The following PTPRD variants were observed in gnomAD, a reference collection of about 807,000 sequenced individuals.
PTPRD encodes receptor-type tyrosine-protein phosphatase delta.
PTPRD carries 34 observed loss-of-function variants against 214.5 expected under a neutral mutation model. The observed-to-expected ratio is 0.16, with a 90% confidence interval of 0.12 to 0.21. The LOEUF is 0.21. Among genes scored for constraint, PTPRD ranks in the 10% least tolerant of loss-of-function variants. The probability of loss-of-function intolerance (pLI) is 1.00; values close to 1 mark genes in which losing one functional copy is unlikely to be tolerated. For missense variants in PTPRD, 2,545 were observed against 2,398.7 expected (o/e 1.06, Z -1.27); for synonymous variants, 1,128 against 845.7 (o/e 1.33, Z -5.79).
intron 3 of PTPRD, among the ~76,000 whole-genome samples, chr9:10,069,373 G>A (rs985712274): frequency 6.6e-6 from 1 of 152,018 alleles, no homozygotes; most frequent in African/African-American, 2.4e-5. Context: ...GAATCAGGCT[G>A]TGAACATTAG....
intron 3 of PTPRD, among the ~76,000 whole-genome samples, chr9:10,212,333 T>G (rs1018058994): frequency 6.6e-6 from 1 of 152,144 alleles, no homozygotes; most frequent in African/African-American, 2.4e-5. Flanking sequence ...TGGTAGCAGC[T>G]AAGCATAAAC....
chr9:9,387,330 G>T (rs10115635), intron 9 of PTPRD, among the ~76,000 whole-genome samples: 1 of 151,972 alleles, frequency 6.6e-6, no homozygotes, highest in Non-Finnish European at 1.5e-5. Context: ...ACAGTTTAGG[G>T]CTAGAGTGTC....
chr9:9,928,011 C>T (rs941450195), intron 5 of PTPRD, among the ~76,000 whole-genome samples: 1 of 152,090 alleles, frequency 6.6e-6, no homozygotes, highest in African/African-American at 2.4e-5. Flanking sequence ...GGCATATATT[C>T]TTAAATGACT....
intron 14 of PTPRD, among the ~76,000 whole-genome samples, chr9:8,547,543 T>G (rs1476158245): frequency 6.7e-6 from 1 of 150,292 alleles, no homozygotes; most frequent in African/African-American, 2.5e-5. Context: ...CTCTCGGGGC[T>G]GAGGCAAGAA....
At chr9:10,091,795 C>T (rs113463329) in intron 3 of PTPRD, among the ~76,000 whole-genome samples, 196 of 151,236 alleles carry the variant, frequency 1.3e-3, no homozygotes, top group Middle Eastern at 3.4e-3. Context: ...TTCTTAGAAG[C>T]AAGGCAGGCA....
intron 3 of PTPRD, among the ~76,000 whole-genome samples, chr9:10,282,448 T>C (rs74416623): frequency 0.021 from 3,164 of 152,272 alleles, 126 homozygotes; most frequent in African/African-American, 0.072. Flanking sequence ...TTCTAATCTA[T>C]AAAATGTCGA....
At chr9:9,391,298 A>G (rs2065763416) in intron 9 of PTPRD, among the ~76,000 whole-genome samples, 1 of 152,218 alleles carries the variant, frequency 6.6e-6, no homozygotes, top group Non-Finnish European at 1.5e-5. Context: ...TCTGATTTTT[A>G]AATGATATTG....
chr9:10,565,317 T>A (rs1461057761), intron 2 of PTPRD, among the ~76,000 whole-genome samples: 2 of 152,260 alleles, frequency 1.3e-5, no homozygotes, highest in East Asian at 3.9e-4. Flanking sequence ...ATCATTTTAA[T>A]GCTCTTTTTC....
chr9:10,590,262 T>C (rs2075081531), intron 2 of PTPRD, among the ~76,000 whole-genome samples: 1 of 152,028 alleles, frequency 6.6e-6, no homozygotes, highest in South Asian at 2.1e-4. Context: ...GTCATGTAAC[T>C]ATTACAAGCA....
intron 11 of PTPRD, among the ~76,000 whole-genome samples, chr9:9,014,805 T>C (rs967090899): frequency 1.3e-5 from 2 of 152,170 alleles, no homozygotes; most frequent in East Asian, 1.9e-4. Flanking sequence ...AGATTATACA[T>C]TGACACACTT....
chr9:8,680,736 G>A (rs191959308), intron 12 of PTPRD, among the ~76,000 whole-genome samples: 1 of 152,128 alleles, frequency 6.6e-6, no homozygotes, highest in African/African-American at 2.4e-5. Flanking sequence ...CTATATCTAT[G>A]TCTTTCCATT....
At chr9:9,330,447 T>C (rs1027769675) in intron 9 of PTPRD, among the ~76,000 whole-genome samples, 2 of 152,174 alleles carry the variant, frequency 1.3e-5, no homozygotes, top group South Asian at 2.1e-4. Flanking sequence ...TCTATACATA[T>C]AATTGAAATT....
At chr9:9,234,854 CT>C (rs1479481330) in intron 9 of PTPRD, among the ~76,000 whole-genome samples, 1 of 152,212 alleles carries the variant, frequency 6.6e-6, no homozygotes, top group Non-Finnish European at 1.5e-5. Flanking sequence ...AAGTTCCAGA[CT>C]TTCCTACATC....
At chr9:9,718,678 A>T (rs182276757) in intron 7 of PTPRD, among the ~76,000 whole-genome samples, 2 of 152,166 alleles carry the variant, frequency 1.3e-5, no homozygotes, top group South Asian at 2.1e-4. Context: ...ACATGTCCCA[A>T]TAGCTAAGCC....
At chr9:9,852,558 G>C (rs1357742601) in intron 5 of PTPRD, among the ~76,000 whole-genome samples, 3 of 151,878 alleles carry the variant, frequency 2.0e-5, no homozygotes, top group Non-Finnish European at 2.9e-5. Context: ...AATATGCTCA[G>C]GTTAATTATA....
intron 7 of PTPRD, among the ~76,000 whole-genome samples, chr9:9,662,964 G>C (rs1158232590): frequency 6.6e-6 from 1 of 151,238 alleles, no homozygotes; most frequent in Non-Finnish European, 1.5e-5. Context: ...GCATCAGTTG[G>C]GCTCACTATT....
chr9:9,950,981 G>T (rs1264356742), intron 4 of PTPRD, among the ~76,000 whole-genome samples: 3 of 151,988 alleles, frequency 2.0e-5, no homozygotes, highest in Non-Finnish European at 1.5e-5. Flanking sequence ...ATAGAATTTG[G>T]GGGCTGGATT....
chr9:10,351,190 T>G (rs1268719487), intron 2 of PTPRD, among the ~76,000 whole-genome samples: 1 of 152,144 alleles, frequency 6.6e-6, no homozygotes. Flanking sequence ...AAAATATGCT[T>G]GCAAACTCAG....
At chr9:9,277,232 C>T (rs1020011446) in intron 9 of PTPRD, among the ~76,000 whole-genome samples, 2 of 151,240 alleles carry the variant, frequency 1.3e-5, no homozygotes, top group African/African-American at 4.8e-5. Context: ...AGTTGATTCC[C>T]TATGTTTTTG....
Sources: gnomAD v4.1 joint callset for allele counts (sites outside exome capture counted in the v4.1 genomes callset) on GRCh38, gnomAD v4.1.1 for gene constraint, MANE v1.5 for transcripts, NCBI Gene and HGNC (gene_info 2026-07-23, HGNC 2026-07-21) for gene names.